The following AP1M1 variants were observed in gnomAD, a reference collection of about 807,000 sequenced individuals.
The protein encoded by AP1M1 is AP-1 complex subunit mu-1.
A neutral mutation model predicts 57.1 loss-of-function variants in AP1M1; 18 were observed. The observed-to-expected ratio is 0.32, with a 90% CI of 0.22 to 0.47. The LOEUF (loss-of-function observed/expected upper bound fraction) is 0.47. AP1M1 is among the 20% of genes least tolerant of loss of function. The pLI is 1.00. For synonymous variants in AP1M1, 241 were observed against 237.9 expected (o/e 1.01, Z -0.12); for missense variants, 362 against 593.5 (o/e 0.61, Z 4.05).
At chr19:16,226,672 C>T (rs2091572641) in intron 6 of AP1M1, 125 bp downstream of exon 6, 2 of 1,201,034 alleles carry the variant, frequency 1.7e-6, no homozygotes, top group African/African-American at 3.0e-5. Flanking sequence ...TTGAGCAGCA[C>T]TTCACACTGC....
At chr19:16,226,632 C>T (rs572568091) in intron 6 of AP1M1, 85 bp downstream of exon 6, 9 of 1,459,768 alleles carry the variant, frequency 6.2e-6, no homozygotes, top group African/African-American at 2.8e-5. Flanking sequence ...TTGGGCCAGG[C>T]GGAGGAACGA....
rs181768439 is a variant in AP1M1 at position 16,232,383 on chromosome 19, G to A, written c.1048-1110G>A. On this transcript the variant is annotated intron_variant, in intron 9 of 11. Transcript: ENST00000291439. ...GTGACGACACAGGCTGGGTGTGCAG[G>A]CCTCCATCGCCCCTGGCGTCTGCTT... 2.0e-5 allele frequency among the ~76,000 whole-genome samples: 3 copies of A among 152,370 alleles called. No homozygotes were observed. In the East Asian group the frequency reaches 5.8e-4, roughly 29 times the overall value.
At chr19:16,231,196 G>A (rs1190723556) in intron 9 of AP1M1, among the ~76,000 whole-genome samples, 1 of 150,442 alleles carries the variant, frequency 6.6e-6, no homozygotes, top group East Asian at 2.1e-4. Context: ...GCTGAGGTGG[G>A]AGAATGGTGT....
intron 6 of AP1M1, 70 bp downstream of exon 6, chr19:16,226,617 C>T: frequency 2.7e-6 from 4 of 1,492,010 alleles, no homozygotes; most frequent in Non-Finnish European, 3.6e-6. Context: ...CAGCCTAGGG[C>T]AGGGTTGGGC....
chr19:16,216,118 A>G (rs771789985), intron 5 of AP1M1, among the ~76,000 whole-genome samples: 2 of 152,056 alleles, frequency 1.3e-5, no homozygotes, highest in Non-Finnish European at 2.9e-5. Context: ...AATGTTCCTA[A>G]TCTCAATGAT....
chr19:16,229,776 G>T (rs1254926759), intron 9 of AP1M1, among the ~76,000 whole-genome samples: 1 of 152,210 alleles, frequency 6.6e-6, no homozygotes. Context: ...ACTCCCGTCA[G>T]CCTTTCCGCG....
chr19:16,224,657 C>T (rs547969244), intron 5 of AP1M1, among the ~76,000 whole-genome samples: 1 of 152,360 alleles, frequency 6.6e-6, no homozygotes, highest in South Asian at 2.1e-4. Flanking sequence ...CTTTTCAGCT[C>T]CACTCCCTGG....
At chr19:16,233,036 T>A (rs12984337) in intron 9 of AP1M1, among the ~76,000 whole-genome samples, 83,385 of 152,130 alleles carry the variant, frequency 0.55, 25,916 homozygotes, top group Non-Finnish European at 0.71. Flanking sequence ...ACCTGGACAC[T>A]CTCTTTTCTT....
At position 16,206,290 on chromosome 19, in the gene AP1M1, C is replaced by A; in HGVS notation, c.200-51C>A. On this transcript the variant is annotated intron_variant, in intron 2 of 11. Transcript: ENST00000291439. The surrounding 1 kb of genome is among the most constrained non-coding windows in gnomAD (Gnocchi z 4.3). ...GGTCCCTCCATGAACCAGGATCTTC[C>A]AGGCAGCAGCCCCAGCCTCTGAATG... is the stretch of plus-strand genomic sequence containing the variant. 6.3e-7 allele frequency: 1 copy of A among 1,592,336 alleles called. No individual in the cohort carries two copies. The highest frequency in any genetic ancestry group is 1.1e-5 in the South Asian group (1 of 90,532).
rs931118838 is a variant in AP1M1, at chr19:16,237,531, G to C, written c.*3096G>C. On this transcript the variant is annotated 3_prime_UTR_variant, in exon 12 of 12. Coordinates refer to ENST00000291439, the MANE Select transcript of AP1M1 (RefSeq NM_032493.4). The stretch of plus-strand genomic sequence containing the variant: ...GTGGATCACCTGAGGTCAGGAGTCC[G>C]AGACCAACCTGGCCAACATGGCGAG... 1 of 151,906 alleles carries C rather than the reference G, an allele frequency of 6.6e-6. No individual in the cohort carries two copies. The highest frequency in any genetic ancestry group is 1.5e-5 in the Non-Finnish European group (1 of 68,002). 9.4% of individuals were successfully genotyped at this position (151,906 alleles called of 1,614,324 possible).
chr19:16,222,208 ATTATTT>A lies in AP1M1; in HGVS notation c.547-4210_547-4205del, dbSNP rs1568353119. 6.1e-3 allele frequency among the ~76,000 whole-genome samples: 423 copies of A among 68,816 alleles called. 4 individuals are homozygous for A. The highest frequency in any genetic ancestry group is 0.02 in the South Asian group (45 of 2,220). 45.1% of individuals were successfully genotyped at this position (68,816 alleles called of 152,430 possible). ...TATTATTATTATTACTATTATTATTATTATTTTTTTTTTTTTTGAGATAGGTTCCCA... is the reference window on the plus strand; with the variant it reads ...TATTATTATTATTACTATTATTATTATTTTTTTTTTTGAGATAGGTTCCCA... On this transcript the variant is annotated intron_variant, in intron 5 of 11. Coordinates refer to ENST00000291439, the MANE Select transcript of AP1M1 (RefSeq NM_032493.4).
rs1163713305 is a variant in AP1M1, at chr19:16,228,823, T to C, written c.942T>C (p.Ile314=). 3.7e-6 allele frequency: 6 copies of C among 1,613,840 alleles called. No homozygotes were observed. The highest frequency in any genetic ancestry group is 1.3e-5 in the African/African-American group (1 of 74,860). ...CAGCCAACAACGTGGAGATCCACATTCCCGTGCCCAATGATGCCGACTCAC... is the reference window on the plus strand; with the variant it reads ...CAGCCAACAACGTGGAGATCCACATCCCCGTGCCCAATGATGCCGACTCAC... The part of the protein sequence containing the change: ...RSTANNVEIH[I]PVPNDADSPK... The change falls in exon 9 of 12, where the codon ATT becomes ATC. Residue 314 remains isoleucine (I), a synonymous_variant. Transcript: ENST00000291439. The surrounding 1 kb of genome is among the most constrained non-coding windows in gnomAD (Gnocchi z 5.0).
At chr19:16,229,460 C>T (rs936456759) in intron 9 of AP1M1, among the ~76,000 whole-genome samples, 9 of 152,326 alleles carry the variant, frequency 5.9e-5, no homozygotes, top group Non-Finnish European at 1.2e-4. Flanking sequence ...CTGGGCTTGC[C>T]GGGTGTACAC....
At chr19:16,208,274 A>G in intron 4 of AP1M1, 125 bp downstream of exon 4, 1 of 1,120,822 alleles carries the variant, frequency 8.9e-7, no homozygotes. Context: ...TCCCACCTCC[A>G]GCAGTATTCG....
Position 16,245,521 on chromosome 19 carries a change from T to G in AP1M1, c.*11086T>G, listed in dbSNP as rs1292583268. ...GTCTAGAACTCCTGGCCTCAAGTGA[T>G]CCACCTGCCTCGGCCTCCCAAAGTG... is the stretch of plus-strand genomic sequence containing the variant. On this transcript the variant is annotated 3_prime_UTR_variant, in exon 12 of 12. Transcript: ENST00000291439. The G allele has an allele frequency of 2.0e-5, 3 of 152,238 alleles. No individual in the cohort carries two copies. The highest frequency in any genetic ancestry group is 6.6e-5 in the Admixed American group (1 of 15,252). 9.4% of individuals were successfully genotyped at this position (152,238 alleles called of 1,614,324 possible).
intron 1 of AP1M1, among the ~76,000 whole-genome samples, chr19:16,200,560 G>A (rs780261140): frequency 2.6e-5 from 4 of 152,084 alleles, no homozygotes; most frequent in Non-Finnish European, 4.4e-5. Flanking sequence ...CTTATTCCAC[G>A]ACCCACGGAC....
chr19:16,213,271 T>C (rs7255846), intron 5 of AP1M1, among the ~76,000 whole-genome samples: 100,064 of 151,982 alleles, frequency 0.66, 35,191 homozygotes, highest in Non-Finnish European at 0.8. Context: ...ATCTGAGTGC[T>C]GCTGTTGGCT....
At chr19:16,212,507 C>T (rs541977304) in intron 5 of AP1M1, among the ~76,000 whole-genome samples, 4 of 152,156 alleles carry the variant, frequency 2.6e-5, no homozygotes, top group Admixed American at 6.5e-5. Flanking sequence ...AATAGTCTAG[C>T]TAGCAGCCTA....
In AP1M1 at chr19:16,203,204, C is replaced by A. The variant is rs941845369; in HGVS notation, c.43-255C>A. The A allele has an allele frequency of 3.8e-6, 2 of 520,316 alleles. No homozygotes were observed. The highest frequency in any genetic ancestry group is 7.0e-6 in the Non-Finnish European group (2 of 286,134). 32.2% of individuals were successfully genotyped at this position (520,316 alleles called of 1,614,324 possible). A position where few individuals can be genotyped will look rare whatever the true frequency, so the allele number is the denominator to read the frequency against. Reference sequence around the variant, plus strand: ...GTGATTCAGTCCTGGACCTTTGCTGCAGAGTTCGCCTCTACCCTCACCCTG... The same window carrying A: ...GTGATTCAGTCCTGGACCTTTGCTGAAGAGTTCGCCTCTACCCTCACCCTG... On this transcript the variant is annotated intron_variant, in intron 1 of 11. Coordinates refer to ENST00000291439, the MANE Select transcript of AP1M1 (RefSeq NM_032493.4). The surrounding 1 kb of genome is among the most constrained non-coding windows in gnomAD (Gnocchi z 4.6).
Sources: allele counts gnomAD v4.1 joint callset (sites outside exome capture counted in the v4.1 genomes callset), GRCh38; gene constraint gnomAD v4.1.1; non-coding constraint Gnocchi (gnomAD v3.1); transcripts MANE v1.5; gene names NCBI Gene and HGNC (gene_info 2026-07-23, HGNC 2026-07-21).